PKP4: variants seen among roughly 807,000 people sequenced by gnomAD.
The protein encoded by PKP4 is plakophilin 4.
Under a neutral mutation model 145.1 loss-of-function variants are expected in PKP4, and 90 were observed. The ratio of observed to expected loss-of-function variants is 0.62; its 90% CI spans 0.52 to 0.74. The LOEUF is 0.74. Among genes scored for constraint, PKP4 ranks in the 30% least tolerant of loss-of-function variants. The probability of loss-of-function intolerance (pLI) is 0.00; values close to 1 mark genes in which losing one functional copy is unlikely to be tolerated. For synonymous variants in PKP4, 563 were observed against 577.2 expected, an observed-to-expected ratio of 0.98 and a Z score of 0.35; for missense variants, 1,340 against 1,482.7, an observed-to-expected ratio of 0.90 and a Z score of 1.58.
intron 7 of PKP4, among the ~76,000 whole-genome samples, chr2:158,628,125 C>T (rs966764919): frequency 1.3e-5 from 2 of 151,900 alleles, no homozygotes; most frequent in Admixed American, 6.6e-5. Context: ...GGACTACAGG[C>T]GCCTGCCACC....
At chr2:158,618,532 C>T (rs980481431) in intron 4 of PKP4, among the ~76,000 whole-genome samples, 9 of 152,078 alleles carry the variant, frequency 5.9e-5, no homozygotes, top group African/African-American at 1.7e-4. Context: ...ATACTAATTT[C>T]GTGAAGTTTT....
intron 11 of PKP4, among the ~76,000 whole-genome samples, chr2:158,643,865 A>G (rs889163911): frequency 1.3e-5 from 2 of 152,134 alleles, no homozygotes; most frequent in Non-Finnish European, 2.9e-5. Context: ...TCCCGGGTTC[A>G]AGCGATTCTC....
chr2:158,516,956 C>T (rs1007443293), intron 1 of PKP4, among the ~76,000 whole-genome samples: 4 of 152,034 alleles, frequency 2.6e-5, no homozygotes, highest in Non-Finnish European at 4.4e-5. Flanking sequence ...CCACTGTGCC[C>T]GGCCTACTTT....
chr2:158,476,194 G>C (rs1035164174), intron 1 of PKP4, among the ~76,000 whole-genome samples: 8 of 152,244 alleles, frequency 5.3e-5, no homozygotes, highest in African/African-American at 1.9e-4. Context: ...CTTAGTAACT[G>C]AATTTCAAAA....
chr2:158,576,861 AT>A (rs1157875911), intron 2 of PKP4, among the ~76,000 whole-genome samples: 1 of 152,100 alleles, frequency 6.6e-6, no homozygotes, highest in Admixed American at 6.6e-5. Flanking sequence ...GGGGATTTAT[AT>A]TTTTTTAAAC....
At chr2:158,581,411 C>G (rs2048322043) in intron 3 of PKP4, among the ~76,000 whole-genome samples, 1 of 152,116 alleles carries the variant, frequency 6.6e-6, no homozygotes, top group Non-Finnish European at 1.5e-5. Flanking sequence ...GTAAGATTTT[C>G]TTACTTTTCC....
At chr2:158,665,429 A>G (rs534240779) in intron 15 of PKP4, among the ~76,000 whole-genome samples, 2 of 152,350 alleles carry the variant, frequency 1.3e-5, no homozygotes, top group East Asian at 1.9e-4. Flanking sequence ...TATTATTAAA[A>G]TATTCTGTTG....
chr2:158,598,990 A>G (rs563641840), intron 3 of PKP4, among the ~76,000 whole-genome samples: 1 of 152,272 alleles, frequency 6.6e-6, no homozygotes, highest in African/African-American at 2.4e-5. Context: ...GGCAACTGCA[A>G]GCAGTTAGAA....
Position 158,663,363 on chromosome 2 carries a change from C to A in PKP4, c.2495C>A (p.Thr832Asn). 1 of 1,614,084 alleles carries A rather than the reference C, an allele frequency of 6.2e-7. No homozygotes were observed. The highest frequency in any genetic ancestry group is 8.5e-7 in the Non-Finnish European group (1 of 1,179,984). Residue 832 changes from threonine to asparagine, a missense_variant, in exon 15 of 22, where the codon ACT (threonine) becomes AAT (asparagine). Thr to Asn is a moderately conservative substitution (Grantham distance 65). Coordinates refer to ENST00000389759, the MANE Select transcript of PKP4 (RefSeq NM_003628.6). ...WHPSVVKPYL[T>N]LLAESSNPAT... is the part of the protein sequence containing the mutation. ...CCATCGGTGGTAAAACCATATCTGA[C>A]TCTTCTAGCAGAAAGTTCCAACCCA...
At chr2:158,588,311 T>TCTTG (rs1326716572) in intron 3 of PKP4, 3 of 152,206 alleles carry the variant, frequency 2.0e-5, no homozygotes, top group Non-Finnish European at 4.4e-5. Context: ...GTTCATTTTC[T>TCTTG]CTTGCTTGCT....
intron 2 of PKP4, among the ~76,000 whole-genome samples, chr2:158,538,412 T>A (rs2044241820): frequency 6.6e-6 from 1 of 152,194 alleles, no homozygotes. Flanking sequence ...GCAAGTTGAT[T>A]TCTGGTTTTG....
intron 3 of PKP4, among the ~76,000 whole-genome samples, chr2:158,595,603 A>G (rs2049658161): frequency 6.6e-6 from 1 of 152,236 alleles, no homozygotes; most frequent in South Asian, 2.1e-4. Context: ...ATTAAAACAG[A>G]AGCCAAAGCA....
intron 1 of PKP4, among the ~76,000 whole-genome samples, chr2:158,463,118 T>A (rs1690029997): frequency 6.6e-6 from 1 of 152,138 alleles, no homozygotes; most frequent in African/African-American, 2.4e-5. Flanking sequence ...CAGGACATTG[T>A]AGAAAAGAGA....
chr2:158,620,925 A>C, intron 4 of PKP4, 65 bp from the exon 5 acceptor site: 2 of 1,368,320 alleles, frequency 1.5e-6, no homozygotes, highest in Non-Finnish European at 2.1e-6. Context: ...AAACATCTGA[A>C]CCTTTTTTAG....
intron 1 of PKP4, among the ~76,000 whole-genome samples, chr2:158,519,126 C>A (rs1009504976): frequency 4.7e-5 from 7 of 150,204 alleles, no homozygotes; most frequent in African/African-American, 1.7e-4. Flanking sequence ...GTTCTTTGAT[C>A]TTTTTGTAAA....
intron 19 of PKP4, among the ~76,000 whole-genome samples, chr2:158,675,360 G>A (rs554618886): frequency 6.6e-6 from 1 of 151,726 alleles, no homozygotes; most frequent in East Asian, 1.9e-4. Context: ...TAATGTTAGT[G>A]TATTTTATGT....
intron 1 of PKP4, among the ~76,000 whole-genome samples, chr2:158,492,055 T>C (rs1467797471): frequency 6.6e-6 from 1 of 152,162 alleles, no homozygotes; most frequent in Non-Finnish European, 1.5e-5. Flanking sequence ...ATAGTCCTCC[T>C]ATCACAGTCT....
intron 1 of PKP4, among the ~76,000 whole-genome samples, chr2:158,458,857 C>T (rs556473375): frequency 1.3e-3 from 194 of 151,900 alleles, no homozygotes; most frequent in African/African-American, 4.4e-3. Flanking sequence ...AACACGGGGA[C>T]ACCACAATCA....
chr2:158,517,955 A>C (rs1416010575), intron 1 of PKP4, among the ~76,000 whole-genome samples: 1 of 152,146 alleles, frequency 6.6e-6, no homozygotes, highest in Non-Finnish European at 1.5e-5. Flanking sequence ...TTTGTACATC[A>C]GATATTATAC....
Sources: allele counts gnomAD v4.1 joint callset (sites outside exome capture counted in the v4.1 genomes callset), GRCh38; gene constraint gnomAD v4.1.1; transcripts MANE v1.5; gene names NCBI Gene and HGNC (gene_info 2026-07-23, HGNC 2026-07-21).